Variants in PDE1C observed in about 807,000 individuals in gnomAD.
PDE1C encodes the protein phosphodiesterase 1C.
A neutral mutation model predicts 93.1 loss-of-function variants in PDE1C; 62 were observed. The observed-to-expected ratio is 0.67, with a 90% CI of 0.54 to 0.82. The LOEUF (loss-of-function observed/expected upper bound fraction) is 0.82. Ranked by LOEUF, PDE1C falls within the 40% of genes least tolerant of loss-of-function variation. The pLI, the probability that PDE1C is intolerant of heterozygous loss-of-function variation, is 0.00. For missense variants in PDE1C, 742 were observed against 884.6 expected, an observed-to-expected ratio of 0.84 and a Z score of 2.04; for synonymous variants, 325 against 310.1, an observed-to-expected ratio of 1.05 and a Z score of -0.50.
chr7:32,236,308 G>T (rs985630602), intron 1 of PDE1C, among the ~76,000 whole-genome samples: 1 of 152,026 alleles, frequency 6.6e-6, no homozygotes, highest in Admixed American at 6.6e-5. Context: ...AAATAAACTA[G>T]ATTGCATCAA....
At chr7:32,320,718 C>T (rs1240114521) in intron 1 of PDE1C, among the ~76,000 whole-genome samples, 4 of 152,100 alleles carry the variant, frequency 2.6e-5, no homozygotes. Context: ...TTTAAATATG[C>T]TTAAGGAAAA....
intron 2 of PDE1C, among the ~76,000 whole-genome samples, chr7:31,956,859 C>G (rs943667698): frequency 1.3e-5 from 2 of 151,990 alleles, no homozygotes; most frequent in Non-Finnish European, 2.9e-5. Flanking sequence ...AACAGGAGGA[C>G]CAATTTATAT....
intron 3 of PDE1C, among the ~76,000 whole-genome samples, chr7:32,137,016 A>T (rs1029371018): frequency 2.6e-5 from 4 of 152,224 alleles, no homozygotes; most frequent in African/African-American, 7.2e-5. Flanking sequence ...TTATGCATTC[A>T]TTCTTGATCA....
At chr7:31,827,966 C>G (rs1349870821) in intron 12 of PDE1C, among the ~76,000 whole-genome samples, 1 of 152,076 alleles carries the variant, frequency 6.6e-6, no homozygotes, top group African/African-American at 2.4e-5. Context: ...GCTTACAGTC[C>G]TGCATGCAGA....
intron 17 of PDE1C, among the ~76,000 whole-genome samples, 185 bp from the exon 18 acceptor site, chr7:31,753,738 T>C (rs1399782026): frequency 6.6e-6 from 1 of 152,190 alleles, no homozygotes; most frequent in Non-Finnish European, 1.5e-5. Flanking sequence ...ACCTTGGTCA[T>C]TCAGTTAAAA....
chr7:31,889,179 T>C (rs1327762970), intron 2 of PDE1C, among the ~76,000 whole-genome samples: 4 of 152,218 alleles, frequency 2.6e-5, no homozygotes, highest in Non-Finnish European at 5.9e-5. Flanking sequence ...AAGAATGAAA[T>C]ATAGTTGATG....
chr7:31,976,720 G>A (rs146879278), intron 2 of PDE1C, among the ~76,000 whole-genome samples: 116 of 152,260 alleles, frequency 7.6e-4, no homozygotes, highest in African/African-American at 2.6e-3. Context: ...AGCAATCAGA[G>A]TGAGCCCTTT....
intron 2 of PDE1C, among the ~76,000 whole-genome samples, chr7:31,984,714 C>T (rs1049596303): frequency 2.6e-5 from 4 of 152,184 alleles, no homozygotes; most frequent in African/African-American, 7.2e-5. Flanking sequence ...TGAGGAAGGT[C>T]CCCTTTGATG....
intron 9 of PDE1C, among the ~76,000 whole-genome samples, chr7:31,847,644 T>C (rs1451092069): frequency 6.6e-6 from 1 of 152,150 alleles, no homozygotes; most frequent in Non-Finnish European, 1.5e-5. Flanking sequence ...TAGGACAATA[T>C]TGAATTATTT....
intron 2 of PDE1C, among the ~76,000 whole-genome samples, chr7:32,045,255 C>T (rs369959076): frequency 1.7e-3 from 254 of 152,088 alleles, no homozygotes; most frequent in South Asian, 0.013. Context: ...GGCCCTTTCT[C>T]ACATTAACTG....
chr7:32,421,279 T>C (rs1287793428), intron 1 of PDE1C, among the ~76,000 whole-genome samples: 1 of 152,216 alleles, frequency 6.6e-6, no homozygotes, highest in East Asian at 1.9e-4. Flanking sequence ...GCCTTCAGCC[T>C]CTCTCTCATC....
intron 3 of PDE1C, among the ~76,000 whole-genome samples, chr7:32,099,482 TC>T (rs1054530160): frequency 6.6e-6 from 1 of 152,180 alleles, no homozygotes; most frequent in African/African-American, 2.4e-5. Context: ...ATATTCCAGG[TC>T]CTTTTCACCT....
At chr7:32,245,631 T>A (rs1808871870) in intron 1 of PDE1C, among the ~76,000 whole-genome samples, 1 of 152,200 alleles carries the variant, frequency 6.6e-6, no homozygotes, top group Non-Finnish European at 1.5e-5. Context: ...AGCATCTTAG[T>A]CTGTCTGGGT....
At chr7:32,285,013 G>C (rs1360587535) in intron 1 of PDE1C, among the ~76,000 whole-genome samples, 15 of 148,094 alleles carry the variant, frequency 1.0e-4, no homozygotes, top group Non-Finnish European at 1.8e-4. Flanking sequence ...CTGGGCGACA[G>C]AGCGAGACTC....
chr7:32,201,124 G>A (rs1804981707), intron 2 of PDE1C, among the ~76,000 whole-genome samples: 1 of 152,178 alleles, frequency 6.6e-6, no homozygotes, highest in Non-Finnish European at 1.5e-5. Flanking sequence ...TTCATTGCTG[G>A]CACCTGTGGG....
At chr7:31,641,662 C>A in the PDE1C span, among the ~76,000 whole-genome samples, 39 of 152,156 alleles carry the variant, frequency 2.6e-4, no homozygotes, top group Admixed American at 2.5e-3. Context: ...CATGTCCCAG[C>A]CTCTTCTGGT....
intron 2 of PDE1C, among the ~76,000 whole-genome samples, chr7:32,177,204 A>T (rs1489671521): frequency 6.6e-6 from 1 of 152,162 alleles, no homozygotes; most frequent in Non-Finnish European, 1.5e-5. Context: ...TTCTTTCTGG[A>T]AAGTAGATTC....
chr7:32,200,111 G>C (rs1804901971), intron 2 of PDE1C, among the ~76,000 whole-genome samples: 1 of 152,080 alleles, frequency 6.6e-6, no homozygotes, highest in African/African-American at 2.4e-5. Context: ...AGGCATTTTG[G>C]GTAAAGGACA....
At chr7:32,422,813 G>T (rs1352392387) in intron 1 of PDE1C, among the ~76,000 whole-genome samples, 1 of 152,132 alleles carries the variant, frequency 6.6e-6, no homozygotes, top group Non-Finnish European at 1.5e-5. Flanking sequence ...AGGATCATAA[G>T]TATCCTGATG....
Sources: gnomAD v4.1 joint callset for allele counts (sites outside exome capture counted in the v4.1 genomes callset) on GRCh38, gnomAD v4.1.1 for gene constraint, MANE v1.5 for transcripts, NCBI Gene and HGNC (gene_info 2026-07-23, HGNC 2026-07-21) for gene names.